The following BMP6 variants were observed in gnomAD, a reference collection of about 807,000 sequenced individuals.
The protein encoded by BMP6 is VG-1-R.
In BMP6, 17 loss-of-function variants were observed where a neutral mutation model predicts 54.1. The observed-to-expected ratio is 0.31, with a 90% CI of 0.22 to 0.47. The LOEUF (loss-of-function observed/expected upper bound fraction) is 0.47. Ranked by LOEUF, BMP6 falls within the 20% of genes least tolerant of loss-of-function variation. The pLI, the probability that BMP6 is intolerant of heterozygous loss-of-function variation, is 1.00. For synonymous variants in BMP6, 328 were observed against 291.2 expected, an observed-to-expected ratio of 1.13 and a Z score of -1.28; for missense variants, 720 against 690.4, an observed-to-expected ratio of 1.04 and a Z score of -0.48.
At chr6:7,823,793 G>A (rs1442495436) in intron 1 of BMP6, among the ~76,000 whole-genome samples, 1 of 152,192 alleles carries the variant, frequency 6.6e-6, no homozygotes, top group Non-Finnish European at 1.5e-5. Flanking sequence ...TCCCTGCTGA[G>A]AAGCTGCATC....
At chr6:7,831,896 C>G (rs1468965364) in intron 1 of BMP6, among the ~76,000 whole-genome samples, 1 of 152,174 alleles carries the variant, frequency 6.6e-6, no homozygotes, top group Non-Finnish European at 1.5e-5. Context: ...CAGGAAAGAG[C>G]ACGAAGCAGG....
intron 1 of BMP6, among the ~76,000 whole-genome samples, chr6:7,794,599 CAAAAGAA>C (rs1366744464): frequency 1.1e-4 from 5 of 46,252 alleles, no homozygotes; most frequent in African/African-American, 4.1e-4. Flanking sequence ...AACCCTGTCC[CAAAAGAA>C]AAAAAAAAAA....
At chr6:7,856,846 T>C (rs1581279985) in intron 2 of BMP6, among the ~76,000 whole-genome samples, 2 of 152,068 alleles carry the variant, frequency 1.3e-5, no homozygotes, top group South Asian at 4.2e-4. Flanking sequence ...TCCGCCCGCC[T>C]CGGCCTCCCA....
chr6:7,837,455 A>G (rs1184945972), intron 1 of BMP6, among the ~76,000 whole-genome samples: 2 of 152,226 alleles, frequency 1.3e-5, no homozygotes, highest in African/African-American at 4.8e-5. Flanking sequence ...TGAAATAATG[A>G]GAGGATTCTA....
At chr6:7,766,342 G>A (rs2113148421) in intron 1 of BMP6, among the ~76,000 whole-genome samples, 1 of 152,332 alleles carries the variant, frequency 6.6e-6, no homozygotes, top group Middle Eastern at 3.4e-3. Context: ...GCTGGGTGTG[G>A]TGGCTTACAC....
intron 4 of BMP6, among the ~76,000 whole-genome samples, chr6:7,875,739 A>C (rs554094131): frequency 1.3e-5 from 2 of 152,222 alleles, no homozygotes; most frequent in Non-Finnish European, 1.5e-5. Context: ...TAACTATCAC[A>C]GTGCTCTAGA....
chr6:7,850,845 T>C (rs9505290), intron 2 of BMP6, among the ~76,000 whole-genome samples: 3,268 of 152,330 alleles, frequency 0.021, 121 homozygotes, highest in African/African-American at 0.072. Flanking sequence ...TGTGTAAGAA[T>C]AGAAAACCTA....
intron 4 of BMP6, among the ~76,000 whole-genome samples, chr6:7,870,718 C>T (rs1237503626): frequency 1.3e-5 from 2 of 152,206 alleles, no homozygotes; most frequent in Non-Finnish European, 2.9e-5. Context: ...ACCTCTGCCT[C>T]CCGGGTTCAA....
chr6:7,788,862 C>T (rs1490154546), intron 1 of BMP6, among the ~76,000 whole-genome samples: 1 of 144,230 alleles, frequency 6.9e-6, no homozygotes, highest in African/African-American at 2.5e-5. Flanking sequence ...CTTATTCCAT[C>T]CTATCTCTGT....
intron 1 of BMP6, among the ~76,000 whole-genome samples, chr6:7,787,024 TCTAAA>T (rs1293497574): frequency 1.3e-5 from 2 of 152,226 alleles, no homozygotes; most frequent in African/African-American, 4.8e-5. Context: ...CTGCCATTTC[TCTAAA>T]CTAAAGTGAC....
At chr6:7,766,684 T>C (rs1043064544) in intron 1 of BMP6, among the ~76,000 whole-genome samples, 6 of 152,210 alleles carry the variant, frequency 3.9e-5, no homozygotes, top group Non-Finnish European at 8.8e-5. Flanking sequence ...ATAGACAATT[T>C]CCTTGCTCCT....
At chr6:7,790,636 G>T (rs1446196267) in intron 1 of BMP6, among the ~76,000 whole-genome samples, 1 of 151,396 alleles carries the variant, frequency 6.6e-6, no homozygotes, top group East Asian at 1.9e-4. Context: ...CCTTCTACTG[G>T]TTGATAATTT....
intron 1 of BMP6, among the ~76,000 whole-genome samples, chr6:7,821,090 G>C (rs546491560): frequency 2.0e-4 from 30 of 152,328 alleles, no homozygotes; most frequent in African/African-American, 7.2e-4. Context: ...CTCTTCTATG[G>C]GACATCATTC....
chr6:7,845,696 G>T (rs1354013498), intron 2 of BMP6, among the ~76,000 whole-genome samples: 2 of 152,144 alleles, frequency 1.3e-5, no homozygotes, highest in Admixed American at 6.5e-5. Flanking sequence ...TATGATGCTT[G>T]TAAGTGATAA....
intron 4 of BMP6, among the ~76,000 whole-genome samples, chr6:7,878,443 CAG>C (rs1245574059): frequency 1.3e-5 from 2 of 152,138 alleles, no homozygotes; most frequent in Non-Finnish European, 2.9e-5. Context: ...TGCACTTCAG[CAG>C]AGTCTCCTGA....
chr6:7,787,198 C>G (rs1027155168), intron 1 of BMP6, among the ~76,000 whole-genome samples: 4 of 151,952 alleles, frequency 2.6e-5, no homozygotes, highest in Non-Finnish European at 4.4e-5. Flanking sequence ...TTGATCGGCT[C>G]TTGGGAAAAT....
chr6:7,771,150 A>G (rs1056291528), intron 1 of BMP6, among the ~76,000 whole-genome samples: 2 of 152,210 alleles, frequency 1.3e-5, no homozygotes, highest in African/African-American at 4.8e-5. Flanking sequence ...AATTCTACTT[A>G]AAATCATACT....
chr6:7,864,891 G>A (rs184491957), intron 4 of BMP6, among the ~76,000 whole-genome samples: 69 of 152,220 alleles, frequency 4.5e-4, no homozygotes, highest in Non-Finnish European at 7.5e-4. Context: ...GTTTTCCTTC[G>A]GGCTATGATG....
chr6:7,747,865 T>C (rs1222736516), intron 1 of BMP6, among the ~76,000 whole-genome samples: 2 of 151,670 alleles, frequency 1.3e-5, no homozygotes, highest in African/African-American at 2.4e-5. Flanking sequence ...AGGCTGGTCA[T>C]GAACTCCTGG....
Sources: allele counts gnomAD v4.1 joint callset (sites outside exome capture counted in the v4.1 genomes callset), GRCh38; gene constraint gnomAD v4.1.1; transcripts MANE v1.5; gene names NCBI Gene and HGNC (gene_info 2026-07-23, HGNC 2026-07-21).